The following EFNA5 variants were observed in gnomAD, a reference collection of about 807,000 sequenced individuals.
EFNA5 encodes the protein ephrin A5.
Under a neutral mutation model 22.9 loss-of-function variants are expected in EFNA5, and 5 were observed. The ratio of observed to expected loss-of-function variants is 0.22; its 90% CI spans 0.11 to 0.46. The LOEUF is 0.46. Ranked by LOEUF, EFNA5 falls within the 20% of genes least tolerant of loss-of-function variation. The pLI, the probability that EFNA5 is intolerant of heterozygous loss-of-function variation, is 0.99. For missense variants in EFNA5, 237 were observed against 293.3 expected (o/e 0.81, Z 1.40); for synonymous variants, 113 against 112.2 (o/e 1.01, Z -0.04).
At chr5:107,541,535 T>C (rs1748048327) in intron 1 of EFNA5, among the ~76,000 whole-genome samples, 1 of 152,220 alleles carries the variant, frequency 6.6e-6, no homozygotes, top group African/African-American at 2.4e-5. Flanking sequence ...TAGTCAGTTT[T>C]CTCTAGTATA....
At chr5:107,417,796 A>G (rs1254982632) in intron 2 of EFNA5, among the ~76,000 whole-genome samples, 1 of 152,180 alleles carries the variant, frequency 6.6e-6, no homozygotes, top group African/African-American at 2.4e-5. Flanking sequence ...GTGGTGATTT[A>G]TATTTCCCCA....
At chr5:107,494,250 G>A (rs1479056426) in intron 1 of EFNA5, among the ~76,000 whole-genome samples, 3 of 152,258 alleles carry the variant, frequency 2.0e-5, no homozygotes, top group African/African-American at 4.8e-5. Context: ...GTGTGGAGGC[G>A]GAGGCGTGAG....
At chr5:107,605,535 C>T (rs1246492211) in intron 1 of EFNA5, among the ~76,000 whole-genome samples, 1 of 152,130 alleles carries the variant, frequency 6.6e-6, no homozygotes, top group African/African-American at 2.4e-5. Flanking sequence ...GCAAATGGTA[C>T]ATCCTGTTGC....
At chr5:107,404,693 A>G (rs1292433846) in intron 2 of EFNA5, among the ~76,000 whole-genome samples, 6 of 152,170 alleles carry the variant, frequency 3.9e-5, no homozygotes, top group Non-Finnish European at 8.8e-5. Flanking sequence ...TCCTGATGCC[A>G]GAACTATACA....
intron 1 of EFNA5, among the ~76,000 whole-genome samples, chr5:107,503,300 T>C (rs1224288143): frequency 1.3e-5 from 2 of 152,234 alleles, no homozygotes; most frequent in Non-Finnish European, 2.9e-5. Flanking sequence ...GAATATGTTT[T>C]GCCCAGTTGC....
chr5:107,514,877 G>T (rs928260383), intron 1 of EFNA5, among the ~76,000 whole-genome samples: 4 of 152,142 alleles, frequency 2.6e-5, no homozygotes, highest in Admixed American at 2.6e-4. Context: ...GATAGCAAGG[G>T]CATGGGAGTC....
chr5:107,626,297 A>G (rs913952577), intron 1 of EFNA5, among the ~76,000 whole-genome samples: 9 of 152,116 alleles, frequency 5.9e-5, no homozygotes, highest in Non-Finnish European at 1.2e-4. Context: ...TTTTGAGACA[A>G]GTTCTTACTC....
Position 107,435,597 on chromosome 5 carries a change from G to A in EFNA5, c.126-8088C>T, listed in dbSNP as rs564256568. On this transcript the variant is annotated intron_variant, in intron 1 of 4. Transcript: ENST00000333274. ...AAGGCTGAATGAGACCTTATATGATGACCAAAACACATAATTTCAGACCAA... is the reference window on the plus strand; with the variant it reads ...AAGGCTGAATGAGACCTTATATGATAACCAAAACACATAATTTCAGACCAA... Among the ~76,000 whole-genome samples, 175 of 152,106 alleles carry A rather than the reference G, an allele frequency of 1.2e-3. 1 individual carries two copies. The highest frequency in any genetic ancestry group is 4.1e-3 in the African/African-American group (171 of 41,504).
At chr5:107,458,901 T>G (rs1043221165) in intron 1 of EFNA5, among the ~76,000 whole-genome samples, 4 of 152,322 alleles carry the variant, frequency 2.6e-5, no homozygotes, top group Admixed American at 1.3e-4. Flanking sequence ...ATATTGCTGA[T>G]ATTTTAATAA....
chr5:107,598,212 A>G (rs1749513829), intron 1 of EFNA5, among the ~76,000 whole-genome samples: 1 of 152,130 alleles, frequency 6.6e-6, no homozygotes, highest in Admixed American at 6.6e-5. Flanking sequence ...CAAAGAGGAA[A>G]AGACACAGTG....
intron 1 of EFNA5, among the ~76,000 whole-genome samples, chr5:107,532,388 G>A (rs370088968): frequency 8.5e-5 from 13 of 152,344 alleles, no homozygotes; most frequent in South Asian, 4.1e-4. Flanking sequence ...TGACTGCCCA[G>A]TGAAACTGCA....
At chr5:107,649,597 A>G (rs1039495883) in intron 1 of EFNA5, among the ~76,000 whole-genome samples, 3 of 152,200 alleles carry the variant, frequency 2.0e-5, no homozygotes, top group African/African-American at 4.8e-5. Flanking sequence ...CCTATTTTAC[A>G]TAAGTGAAAA....
At chr5:107,659,472 A>G (rs992054642) in intron 1 of EFNA5, among the ~76,000 whole-genome samples, 1 of 151,396 alleles carries the variant, frequency 6.6e-6, no homozygotes, top group African/African-American at 2.4e-5. Flanking sequence ...CAAGCTGCTA[A>G]AAGTTTGAGT....
At chr5:107,556,352 C>T (rs1748414565) in intron 1 of EFNA5, among the ~76,000 whole-genome samples, 1 of 152,194 alleles carries the variant, frequency 6.6e-6, no homozygotes, top group Non-Finnish European at 1.5e-5. Context: ...CCACCAAAAA[C>T]CTGCACAAGT....
At chr5:107,638,837 C>T (rs1187329883) in intron 1 of EFNA5, among the ~76,000 whole-genome samples, 3 of 151,424 alleles carry the variant, frequency 2.0e-5, no homozygotes, top group African/African-American at 7.4e-5. Context: ...TACACACACA[C>T]ATATACACAC....
chr5:107,638,856 AT>A (rs527747484), intron 1 of EFNA5, among the ~76,000 whole-genome samples: 44 of 152,322 alleles, frequency 2.9e-4, no homozygotes, highest in African/African-American at 1.0e-3. Flanking sequence ...ACACAAAAAA[AT>A]AAGTATGTGA....
At chr5:107,644,012 G>A (rs1254346759) in intron 1 of EFNA5, among the ~76,000 whole-genome samples, 1 of 152,076 alleles carries the variant, frequency 6.6e-6, no homozygotes, top group Non-Finnish European at 1.5e-5. Context: ...GGAGGAAAAT[G>A]TTTTTTTCAT....
intron 2 of EFNA5, among the ~76,000 whole-genome samples, chr5:107,399,315 AAACGG>A (rs1434479291): frequency 7.4e-5 from 5 of 67,564 alleles, no homozygotes; most frequent in Admixed American, 1.6e-4. Context: ...GGAAGGAAGG[AAACGG>A]AAAGGAAAGG....
At chr5:107,533,991 G>T (rs1747876152) in intron 1 of EFNA5, among the ~76,000 whole-genome samples, 1 of 152,162 alleles carries the variant, frequency 6.6e-6, no homozygotes, top group Non-Finnish European at 1.5e-5. Flanking sequence ...TTTCCCCTGA[G>T]AACTATTTTA....
Sources: gnomAD v4.1 joint callset for allele counts (sites outside exome capture counted in the v4.1 genomes callset) on GRCh38, gnomAD v4.1.1 for gene constraint, MANE v1.5 for transcripts, NCBI Gene and HGNC (gene_info 2026-07-23, HGNC 2026-07-21) for gene names.